Variants in EVA1C observed in about 807,000 individuals in gnomAD.
The protein encoded by EVA1C is protein eva-1 homolog C.
A neutral mutation model predicts 45.4 loss-of-function variants in EVA1C; 25 were observed. The observed-to-expected ratio is 0.55, with a 90% CI of 0.40 to 0.77. The LOEUF (loss-of-function observed/expected upper bound fraction) is 0.77, where lower values mean the gene tolerates loss of function less well. EVA1C is among the 30% of genes least tolerant of loss of function. The probability of loss-of-function intolerance (pLI) is 0.00; values close to 1 mark genes in which losing one functional copy is unlikely to be tolerated. For missense variants in EVA1C, 479 were observed against 554.8 expected (o/e 0.86, Z 1.37); for synonymous variants, 190 against 221.2 (o/e 0.86, Z 1.25).
intron 4 of EVA1C, among the ~76,000 whole-genome samples, chr21:32,480,550 C>T (rs1254454101): frequency 6.6e-6 from 1 of 152,056 alleles, no homozygotes. Flanking sequence ...ATAGCATAGT[C>T]CCAGCTACTC....
chr21:32,496,948 A>C, intron 5 of EVA1C: 1 of 1,383,394 alleles, frequency 7.2e-7, no homozygotes, highest in South Asian at 1.2e-5. Flanking sequence ...TAAAAGAAAC[A>C]GACCAAATGT....
At chr21:32,436,649 C>T (rs1368823283) in intron 1 of EVA1C, among the ~76,000 whole-genome samples, 3 of 152,294 alleles carry the variant, frequency 2.0e-5, no homozygotes, top group Non-Finnish European at 4.4e-5. Flanking sequence ...CCTCTTGGTG[C>T]TGTCAGCATC....
At chr21:32,486,074 G>T (rs1029515808) in intron 4 of EVA1C, among the ~76,000 whole-genome samples, 2 of 152,338 alleles carry the variant, frequency 1.3e-5, no homozygotes, top group South Asian at 2.1e-4. Flanking sequence ...ATCGCCATGA[G>T]CAGACAAAGG....
Position 32,467,868 on chromosome 21 carries a change from T to C in EVA1C, c.634+20T>C, listed in dbSNP as rs1357021073. On this transcript the variant is annotated intron_variant, in intron 4 of 7. Coordinates refer to ENST00000300255, the MANE Select transcript of EVA1C (RefSeq NM_058187.5). The stretch of plus-strand genomic sequence containing the variant: ...CTTTCGGTATGTGCTTTTGTGTGTG[T>C]ATTAGCCAGGGTTCTCTAGAGGGAC... 3 of 1,579,726 alleles carry C rather than the reference T, an allele frequency of 1.9e-6. No individual in the cohort carries two copies. The highest frequency in any genetic ancestry group is 3.8e-5 in the Admixed American group (2 of 52,868).
chr21:32,474,981 G>A lies in EVA1C; in HGVS notation c.634+7133G>A, dbSNP rs780779434. On this transcript the variant is annotated intron_variant, in intron 4 of 7. Coordinates refer to ENST00000300255, the MANE Select transcript of EVA1C (RefSeq NM_058187.5). This position sits in a 1 kb window ranked among gnomAD's most constrained non-coding sequence, Gnocchi z 4.4. ...CCATTTACTACTGCAGCTCAGCCTC[G>A]CTGCTTTCAAGGGGAAAAGGGTCTT... Among the ~76,000 whole-genome samples, 2 of 152,194 alleles carry A rather than the reference G, an allele frequency of 1.3e-5. No individual in the cohort carries two copies. Among genetic ancestry groups the A allele is most frequent in the African/African-American group, 2.4e-5 (1 of 41,454 alleles).
In EVA1C at chr21:32,453,364, C is replaced by T; in HGVS notation, c.213C>T (p.Asp71=). The change falls in exon 2 of 8, where the codon GAC becomes GAT. Residue 71 remains aspartate, a synonymous_variant. Coordinates refer to ENST00000300255, the MANE Select transcript of EVA1C (RefSeq NM_058187.5). The part of the protein sequence containing the change: ...QNHTTYACDG[D]YLNLQCPRHS... Reference sequence around the variant, plus strand: ...ACACCACCTATGCCTGTGATGGGGACTATTTGAATCTACAGTGCCCTCGGC... The same window carrying T: ...ACACCACCTATGCCTGTGATGGGGATTATTTGAATCTACAGTGCCCTCGGC... 1 of 1,610,916 alleles carries T rather than the reference C, an allele frequency of 6.2e-7. No individual in the cohort carries two copies. The highest frequency in any genetic ancestry group is 2.3e-4 in the Middle Eastern group (1 of 4,426).
intron 1 of EVA1C, among the ~76,000 whole-genome samples, chr21:32,424,300 A>T (rs1182642909): frequency 6.6e-6 from 1 of 152,172 alleles, no homozygotes; most frequent in African/African-American, 2.4e-5. Flanking sequence ...GTACTGAGGA[A>T]CAAGAGAAAC....
chr21:32,488,880 A>T (rs544117045), intron 4 of EVA1C, among the ~76,000 whole-genome samples: 5 of 152,234 alleles, frequency 3.3e-5, no homozygotes, highest in East Asian at 3.9e-4. Context: ...GCACCATGCC[A>T]GGCCTGTTGG....
At chr21:32,514,278 T>C (rs1172978487) in intron 7 of EVA1C, among the ~76,000 whole-genome samples, 1 of 152,212 alleles carries the variant, frequency 6.6e-6, no homozygotes, top group Non-Finnish European at 1.5e-5. Flanking sequence ...ACATCTATTA[T>C]ATTATTACTT....
At chr21:32,506,064 C>T (rs962885066) in intron 7 of EVA1C, among the ~76,000 whole-genome samples, 5 of 152,024 alleles carry the variant, frequency 3.3e-5, no homozygotes, top group Non-Finnish European at 7.4e-5. Context: ...ATGCAACCAC[C>T]TCCCCACTCT....
intron 4 of EVA1C, among the ~76,000 whole-genome samples, chr21:32,475,774 C>T (rs373004183): frequency 3.4e-4 from 52 of 151,998 alleles, no homozygotes; most frequent in Admixed American, 2.6e-3. Context: ...CCCTTTCTTC[C>T]GGCTGACTTC....
At chr21:32,489,665 T>C (rs1469217852) in intron 4 of EVA1C, among the ~76,000 whole-genome samples, 1 of 152,244 alleles carries the variant, frequency 6.6e-6, no homozygotes, top group Non-Finnish European at 1.5e-5. Flanking sequence ...AGGGATTGCA[T>C]TGAGCCTGTA....
rs145086534 is a variant in EVA1C at position 32,515,045 on chromosome 21, G to T, written c.1181G>T (p.Cys394Phe). ...SDFPGELSGFCRTSYPIYSSI... is the reference protein window; with the variant it reads ...SDFPGELSGFFRTSYPIYSSI... The stretch of plus-strand genomic sequence containing the variant: ...TTCCCAGGGGAACTGTCGGGGTTCT[G>T]TAGGACTTCATATCCTATATACAGT... Residue 394 changes from cysteine (C) to phenylalanine (F), a missense_variant, in exon 8 of 8, where the codon TGT becomes TTT. Around this residue, in one of 3 missense-constraint regions of EVA1C, gnomAD observed 366 missense variants for 426.1 expected, o/e 0.86. Coordinates refer to ENST00000300255, the MANE Select transcript of EVA1C (RefSeq NM_058187.5). The T allele has an allele frequency of 1.2e-3, 1,985 of 1,614,194 alleles. 38 individuals carry two copies. The South Asian group carries it at 0.02, about 16-fold the overall frequency.
chr21:32,423,184 T>G (rs937139689), intron 1 of EVA1C, among the ~76,000 whole-genome samples: 1 of 152,030 alleles, frequency 6.6e-6, no homozygotes, highest in Non-Finnish European at 1.5e-5. Flanking sequence ...AATCTTTTTG[T>G]ATTGAGAGGG....
intron 4 of EVA1C, 77 bp downstream of exon 4, chr21:32,467,925 A>G (rs908975654): frequency 7.3e-5 from 60 of 818,550 alleles, no homozygotes; most frequent in East Asian, 3.1e-4. Flanking sequence ...TATATATCCT[A>G]TATATATCCT....
intron 5 of EVA1C, among the ~76,000 whole-genome samples, chr21:32,499,102 C>T (rs1321000488): frequency 1.3e-5 from 2 of 152,204 alleles, no homozygotes; most frequent in Non-Finnish European, 2.9e-5. Flanking sequence ...AATGCCCTTC[C>T]CCTCTGAGCT....
At chr21:32,426,486 T>C (rs1004059192) in intron 1 of EVA1C, among the ~76,000 whole-genome samples, 15 of 151,870 alleles carry the variant, frequency 9.9e-5, no homozygotes, top group African/African-American at 3.6e-4. Context: ...GTGTTCCTGC[T>C]CTCATTCCCC....
At chr21:32,484,107 A>G (rs573432469) in intron 4 of EVA1C, among the ~76,000 whole-genome samples, 9 of 152,184 alleles carry the variant, frequency 5.9e-5, no homozygotes, top group African/African-American at 1.7e-4. Context: ...CGGTTCTCCA[A>G]TGAGTAGAAG....
At chr21:32,477,718 CACCTCCCCCGTACG>C (rs1568926661) in intron 4 of EVA1C, among the ~76,000 whole-genome samples, 176 of 104,258 alleles carry the variant, frequency 1.7e-3, no homozygotes, top group Middle Eastern at 4.5e-3. Flanking sequence ...CGTACGCCCT[CACCTCCCCCGTACG>C]CCCTCCCCTC....
Sources: gnomAD v4.1 joint callset for allele counts (sites outside exome capture counted in the v4.1 genomes callset) on GRCh38, gnomAD v4.1.1 for gene constraint, gnomAD v4.1.1 regional missense constraint, Gnocchi (gnomAD v3.1) non-coding constraint, MANE v1.5 for transcripts, NCBI Gene and HGNC (gene_info 2026-07-23, HGNC 2026-07-21) for gene names.